The following JMJD1C variants were observed in gnomAD, a reference collection of about 807,000 sequenced individuals.
JMJD1C encodes jumonji domain-containing protein 1C.
Under a neutral mutation model 245.3 loss-of-function variants are expected in JMJD1C, and 31 were observed. That is an observed-to-expected ratio of 0.13 (90% CI 0.09 to 0.17). The LOEUF is 0.17. Among genes scored for constraint, JMJD1C ranks in the 10% least tolerant of loss-of-function variants. The pLI, the probability that JMJD1C is intolerant of heterozygous loss-of-function variation, is 1.00. For synonymous variants in JMJD1C, 1,057 were observed against 1,017.4 expected, an observed-to-expected ratio of 1.04 and a Z score of -0.74; for missense variants, 2,691 against 3,000.2, an observed-to-expected ratio of 0.90 and a Z score of 2.41.
chr10:63,236,965 A>C (rs1023457401), intron 3 of JMJD1C, among the ~76,000 whole-genome samples: 2 of 116,794 alleles, frequency 1.7e-5, no homozygotes, highest in Admixed American at 2.0e-4. Context: ...ATTTAAAAAC[A>C]ACTAATATTG....
At chr10:63,504,826 G>A (rs560483637) in intron 1 of JMJD1C, among the ~76,000 whole-genome samples, 1 of 152,132 alleles carries the variant, frequency 6.6e-6, no homozygotes, top group Non-Finnish European at 1.5e-5. Context: ...CACCACCCCA[G>A]GCAACAAAAC....
chr10:63,338,121 T>C (rs1244294296), intron 2 of JMJD1C, among the ~76,000 whole-genome samples: 1 of 152,180 alleles, frequency 6.6e-6, no homozygotes, highest in Non-Finnish European at 1.5e-5. Context: ...TCTGGAGCTC[T>C]TTAGAGTAAA....
intron 10 of JMJD1C, chr10:63,203,082 T>C (rs1846202995): frequency 3.0e-6 from 3 of 985,018 alleles, no homozygotes; most frequent in South Asian, 4.7e-5. Context: ...TTTAGAGCTT[T>C]TTTTCAATAA....
chr10:63,410,936 G>A (rs1046270461), intron 1 of JMJD1C, among the ~76,000 whole-genome samples: 2 of 152,194 alleles, frequency 1.3e-5, no homozygotes, highest in Middle Eastern at 3.2e-3. Flanking sequence ...CATGGAGAAA[G>A]ACAAGTAAAT....
At chr10:63,407,361 G>C (rs1210767742) in intron 1 of JMJD1C, among the ~76,000 whole-genome samples, 1 of 152,336 alleles carries the variant, frequency 6.6e-6, no homozygotes, top group East Asian at 1.9e-4. Flanking sequence ...TCTAGGACTA[G>C]ACCCTCCTTT....
At chr10:63,333,022 A>AAAC (rs1942330940) in intron 2 of JMJD1C, among the ~76,000 whole-genome samples, 1 of 152,194 alleles carries the variant, frequency 6.6e-6, no homozygotes, top group African/African-American at 2.4e-5. Flanking sequence ...AGCATTGTTT[A>AAAC]AGCTTAATTT....
chr10:63,380,928 A>C (rs1023122186), intron 1 of JMJD1C, among the ~76,000 whole-genome samples: 2 of 152,240 alleles, frequency 1.3e-5, no homozygotes, highest in African/African-American at 4.8e-5. Flanking sequence ...GTAAATGTCC[A>C]AAAGAAAGGA....
chr10:63,213,115 G>A (rs1589163655), intron 8 of JMJD1C, among the ~76,000 whole-genome samples: 1 of 150,086 alleles, frequency 6.7e-6, no homozygotes, highest in Non-Finnish European at 1.5e-5. Flanking sequence ...GAACCTGGGA[G>A]GCAGAGGTTG....
chr10:63,408,902 T>C (rs1051624748), intron 1 of JMJD1C, among the ~76,000 whole-genome samples: 8 of 152,062 alleles, frequency 5.3e-5, no homozygotes, highest in Non-Finnish European at 1.2e-4. Context: ...ATAAAGAAGA[T>C]AAAATTGACA....
intron 14 of JMJD1C, 83 bp from the exon 15 acceptor site, chr10:63,193,555 T>A: frequency 3.6e-6 from 3 of 839,432 alleles, no homozygotes; most frequent in Non-Finnish European, 5.3e-6. Flanking sequence ...TATTTTGTAT[T>A]ATAATTGGGA....
At position 63,380,456 on chromosome 10, in the gene JMJD1C, T is replaced by C. The variant is rs772003800; in HGVS notation, c.195A>G (p.Glu65=). 1.2e-6 allele frequency: 2 copies of C among 1,612,914 alleles called. No homozygotes were observed. The highest frequency in any genetic ancestry group is 1.7e-6 in the Non-Finnish European group (2 of 1,179,594). ...LAVYVEFDDL[E]WDKREWVKVY... is the part of the protein sequence containing the mutation. ...CTTTAACCCACTCTCGTTTATCCCA[T>C]TCAAGATCATCAAATTCCACATACA... The change falls in exon 2 of 26, where the codon GAA becomes GAG. Residue 65 remains glutamate (E), a synonymous_variant. Coordinates refer to ENST00000399262, the MANE Select transcript of JMJD1C (RefSeq NM_032776.3).
intron 9 of JMJD1C, 129 bp from the exon 10 acceptor site, chr10:63,208,930 A>C: frequency 9.5e-7 from 1 of 1,057,980 alleles, no homozygotes; most frequent in Non-Finnish European, 1.3e-6. Context: ...ACTATAATAA[A>C]TTTGAAGAAA....
chr10:63,198,696 T>C lies in JMJD1C; in HGVS notation c.5308A>G (p.Ile1770Val), dbSNP rs1181078350. The C allele has an allele frequency of 6.2e-7, 1 of 1,607,298 alleles. No individual in the cohort carries two copies. The highest frequency in any genetic ancestry group is 1.7e-4 in the Middle Eastern group (1 of 6,054). Residue 1770 changes from isoleucine to valine, a missense_variant, in exon 12 of 26, where the codon ATA becomes GTA. By Grantham distance (29) the Ile-to-Val change is conservative (BLOSUM62 3). Transcript: ENST00000399262. The stretch of plus-strand genomic sequence containing the variant: ...TGGTCAGGAGAAGAGAAACCATCTA[T>C]TCTAACTACTCCGTTTTTACTAAAT... ...LSFSKNGVVRIDGFSSPDQYD... is the reference protein window; with the variant it reads ...LSFSKNGVVRVDGFSSPDQYD...
intron 3 of JMJD1C, among the ~76,000 whole-genome samples, chr10:63,258,728 T>G (rs1177397123): frequency 6.6e-6 from 1 of 152,204 alleles, no homozygotes; most frequent in African/African-American, 2.4e-5. Flanking sequence ...TTCAGGCTCC[T>G]TAAATCCAGT....
At chr10:63,316,678 C>T (rs1039019968) in intron 2 of JMJD1C, among the ~76,000 whole-genome samples, 3 of 152,182 alleles carry the variant, frequency 2.0e-5, no homozygotes, top group Admixed American at 6.5e-5. Context: ...GAACTCCTGA[C>T]CTCAGGTGAT....
At chr10:63,424,790 C>T (rs895008282) in intron 1 of JMJD1C, among the ~76,000 whole-genome samples, 8 of 152,072 alleles carry the variant, frequency 5.3e-5, no homozygotes, top group African/African-American at 1.4e-4. Flanking sequence ...AGCAAACTCT[C>T]GACACCAGAT....
chr10:63,190,675 G>C (rs1311555020), intron 17 of JMJD1C, among the ~76,000 whole-genome samples: 2 of 152,002 alleles, frequency 1.3e-5, no homozygotes, highest in African/African-American at 4.8e-5. Flanking sequence ...GGACCTTCTG[G>C]AATCGAAGAG....
chr10:63,403,771 T>C (rs1247623222), intron 1 of JMJD1C, among the ~76,000 whole-genome samples: 6 of 152,082 alleles, frequency 3.9e-5, no homozygotes, highest in Non-Finnish European at 2.9e-5. Context: ...ACCCCATCTC[T>C]ACTAAAAAAT....
At chr10:63,321,761 T>C (rs1181799285) in intron 2 of JMJD1C, among the ~76,000 whole-genome samples, 1 of 152,228 alleles carries the variant, frequency 6.6e-6, no homozygotes, top group Non-Finnish European at 1.5e-5. Flanking sequence ...GTACGCGAGT[T>C]AGGCACCTTT....
Sources: allele counts gnomAD v4.1 joint callset (sites outside exome capture counted in the v4.1 genomes callset), GRCh38; gene constraint gnomAD v4.1.1; transcripts MANE v1.5; gene names NCBI Gene and HGNC (gene_info 2026-07-23, HGNC 2026-07-21).